The following FCGR3A variants were observed in gnomAD, a reference collection of about 807,000 sequenced individuals.
FCGR3A encodes the protein Fc gamma receptor IIIa.
FCGR3A carries 13 observed loss-of-function variants against 24.1 expected under a neutral mutation model. The observed-to-expected ratio is 0.54, with a 90% CI of 0.35 to 0.86. The LOEUF is 0.86. FCGR3A is among the 40% of genes least tolerant of loss of function. FCGR3A has a pLI of 0.01. For missense variants in FCGR3A, 235 were observed against 298.0 expected, an observed-to-expected ratio of 0.79 and a Z score of 1.56; for synonymous variants, 93 against 112.2, an observed-to-expected ratio of 0.83 and a Z score of 1.08.
At position 161,542,925 on chromosome 1, in the gene FCGR3A, G is replaced by A; in HGVS notation, c.*87C>T. On this transcript the variant is annotated 3_prime_UTR_variant, in exon 5 of 5. Coordinates refer to ENST00000443193, the MANE Select transcript of FCGR3A (RefSeq NM_000569.8). The stretch of plus-strand genomic sequence containing the variant: ...TTCTATGTTTCCTGCTGCTTGTAGA[G>A]AGGCCTGAGGATGATGGGGTTGCAA... 1.0e-6 allele frequency: 1 copy of A among 1,001,622 alleles called. No individual in the cohort carries two copies. Among genetic ancestry groups the A allele is most frequent in the Non-Finnish European group, 1.5e-6 (1 of 673,392 alleles). The allele number at this position is 1,001,622 out of a possible 1,614,324, so 62.0% of individuals were successfully genotyped here. A position where few individuals can be genotyped will look rare whatever the true frequency, so the allele number is the denominator to read the frequency against.
rs567017084 is a variant in FCGR3A, at chr1:161,542,785, A to C, written c.*227T>G. ...AGTGTTTGTGTAGCTCTGAAACTTC[A>C]ATTTCTAGGAATGCAGCTACTCACT... is the stretch of plus-strand genomic sequence containing the variant. On this transcript the variant is annotated 3_prime_UTR_variant, in exon 5 of 5. Transcript: ENST00000443193. The C allele has an allele frequency of 2.3e-6, 1 of 428,894 alleles. No homozygotes were observed. The highest frequency in any genetic ancestry group is 2.0e-5 in the African/African-American group (1 of 50,710). 26.6% of individuals were successfully genotyped at this position (428,894 alleles called of 1,614,324 possible).
At chr1:161,547,044 G>A (rs1314910557) in intron 3 of FCGR3A, among the ~76,000 whole-genome samples, 3 of 152,072 alleles carry the variant, frequency 2.0e-5, no homozygotes, top group Admixed American at 6.5e-5. Context: ...TAATTCTCAT[G>A]GTCACAGTTT....
rs1677178376 is a variant in FCGR3A at position 161,542,826 on chromosome 1, G to A, written c.*186C>T. 2.0e-6 allele frequency: 1 copy of A among 507,022 alleles called. No homozygotes were observed. 31.4% of individuals were successfully genotyped at this position (507,022 alleles called of 1,614,324 possible). A position where few individuals can be genotyped will look rare whatever the true frequency, so the allele number is the denominator to read the frequency against. On this transcript the variant is annotated 3_prime_UTR_variant, in exon 5 of 5. Transcript: ENST00000443193. The stretch of plus-strand genomic sequence containing the variant: ...GCTACTCACTGGGGCTTCCCTGCTT[G>A]AAGATCATGGGCTTTTCCCTTCCAC...
Position 161,544,911 on chromosome 1 carries a change from G to A in FCGR3A, c.367C>T (p.Pro123Ser), listed in dbSNP as rs765857580. Residue 123 changes from proline to serine, a missense_variant, in exon 4 of 5, where the codon CCT (proline) becomes TCT (serine). By Grantham distance (74) the Pro-to-Ser change is moderately conservative. Coordinates refer to ENST00000443193, the MANE Select transcript of FCGR3A (RefSeq NM_000569.8). ...CAGCTGTGACACCTCAGGTGAATAG[G>A]GTCTTCCTCCTTGAACACCCACCGA... is the stretch of plus-strand genomic sequence containing the variant. ...APRWVFKEED[P>S]IHLRCHSWKN... The A allele has an allele frequency of 1.6e-5, 26 of 1,612,976 alleles. 1 individual carries two copies. The highest frequency in any genetic ancestry group is 3.3e-5 in the South Asian group (3 of 91,000).
intron 1 of FCGR3A, 33 bp downstream of exon 1, chr1:161,549,664 A>T: frequency 1.2e-6 from 2 of 1,612,420 alleles, no homozygotes; most frequent in Non-Finnish European, 8.5e-7. Context: ...GGCATCTCAA[A>T]CTTCTCCCTC....
intron 4 of FCGR3A, 50 bp from the exon 5 acceptor site, chr1:161,543,249 A>C (rs547314149): frequency 6.3e-7 from 1 of 1,587,776 alleles, no homozygotes; most frequent in African/African-American, 1.4e-5. Flanking sequence ...ACTAAGGCAG[A>C]TATTTGGAAC....
At chr1:161,546,557 A>T (rs2102526636) in intron 3 of FCGR3A, among the ~76,000 whole-genome samples, 1 of 152,148 alleles carries the variant, frequency 6.6e-6, no homozygotes, top group African/African-American at 2.4e-5. Context: ...ACAGGCTAAG[A>T]ATAAAGGACT....
Position 161,544,999 on chromosome 1 carries a change from C to G in FCGR3A, c.320-41G>C, listed in dbSNP as rs767073495. ...ACCCCAGGCCCGGGAGGCCTCAGCT[C>G]TCAGTGCAGAGCTTTGTGAAGGGGC... On this transcript the variant is annotated intron_variant, in intron 3 of 4. Coordinates refer to ENST00000443193, the MANE Select transcript of FCGR3A (RefSeq NM_000569.8). 9 of 1,599,710 alleles carry G rather than the reference C, an allele frequency of 5.6e-6. No individual in the cohort carries two copies. In the African/African-American group the frequency reaches 1.1e-4, roughly 19 times the overall value.
At chr1:161,550,070 T>C (rs1247260778), upstream of FCGR3A, 12 of 591,984 alleles carry the variant, frequency 2.0e-5, no homozygotes, top group African/African-American at 5.6e-5. Flanking sequence ...GCTTGCCCCA[T>C]CTCCTGGATT....
At chr1:161,543,321 G>T in intron 4 of FCGR3A, 122 bp from the exon 5 acceptor site, 2 of 1,180,556 alleles carry the variant, frequency 1.7e-6, no homozygotes, top group East Asian at 2.4e-5. Flanking sequence ...GGTAGGAATG[G>T]TGGGGAAGTC....
chr1:161,543,037 C>T lies in FCGR3A; in HGVS notation c.740G>A (p.Trp247Ter). The T allele has an allele frequency of 1.9e-6, 3 of 1,612,496 alleles. No individual in the cohort carries two copies. Among genetic ancestry groups the T allele is most frequent in the Non-Finnish European group, 2.5e-6 (3 of 1,179,174 alleles). The change falls in exon 5 of 5, where the codon TGG (tryptophan) becomes TAG (stop). Residue 247 changes from tryptophan (W) to a stop codon, truncating the protein, a stop_gained. Coordinates refer to ENST00000443193, the MANE Select transcript of FCGR3A (RefSeq NM_000569.8). LOFTEE classifies it high-confidence loss of function. Reference protein sequence around the residue: ...TRDWKDHKFKWRKDPQDK With the variant: ...TRDWKDHKFK The stretch of plus-strand genomic sequence containing the variant: ...TCATTTGTCTTGAGGGTCCTTTCTC[C>T]ATTTAAATTTATGGTCCTTCCAGTC...
rs1677159615 is a variant in FCGR3A, at chr1:161,542,468, A to G, written c.*544T>C. On this transcript the variant is annotated 3_prime_UTR_variant, in exon 5 of 5. Coordinates refer to ENST00000443193, the MANE Select transcript of FCGR3A (RefSeq NM_000569.8). ...GCTAATGTTCTAGGAAGACACCCTT[A>G]TCTCTGGGCTCAGATGGGAACACCT... 6.6e-6 allele frequency: 1 copy of G among 152,172 alleles called. No homozygotes were observed. 9.4% of individuals were successfully genotyped at this position (152,172 alleles called of 1,614,324 possible).
rs1175647533 is a variant in FCGR3A, at chr1:161,548,464, G to T, written c.276C>A (p.Asn92Lys). ...DDSGEYRCQT[N>K]LSTLSDPVQL... is the part of the protein sequence containing the mutation. ...GCACCGGGTCACTGAGGGTGGAGAGGTTTGTCTGGCACCTGTACTCTCCAC... is the reference window on the plus strand; with the variant it reads ...GCACCGGGTCACTGAGGGTGGAGAGTTTTGTCTGGCACCTGTACTCTCCAC... Residue 92 changes from asparagine (N) to lysine (K), a missense_variant, in exon 3 of 5, where the codon AAC becomes AAA. By Grantham distance (94) the Asn-to-Lys change is moderately conservative. Transcript: ENST00000443193. 5 of 1,613,882 alleles carry T rather than the reference G, an allele frequency of 3.1e-6. No homozygotes were observed. The African/African-American group carries it at 5.3e-5, about 17-fold the overall frequency.
Position 161,542,653 on chromosome 1 carries a change from C to T in FCGR3A, c.*359G>A, listed in dbSNP as rs1338107968. The T allele has an allele frequency of 1.7e-5, 3 of 171,946 alleles. No individual in the cohort carries two copies. In the South Asian group the frequency reaches 4.9e-4, roughly 28 times the overall value. 10.7% of individuals were successfully genotyped at this position (171,946 alleles called of 1,614,324 possible). A position where few individuals can be genotyped will look rare whatever the true frequency, so the allele number is the denominator to read the frequency against. On this transcript the variant is annotated 3_prime_UTR_variant, in exon 5 of 5. Transcript: ENST00000443193. ...TTAGGAATAATTGTTTTTTTTTCCC[C>T]TCTAAACTGGGTAATTTATAACACG... is the stretch of plus-strand genomic sequence containing the variant.
Position 161,548,438 on chromosome 1 carries a change from T to C in FCGR3A, c.302A>G (p.Gln101Arg), listed in dbSNP as rs374159614. 3.7e-6 allele frequency: 6 copies of C among 1,613,918 alleles called. No homozygotes were observed. Among genetic ancestry groups the C allele is most frequent in the Non-Finnish European group, 5.1e-6 (6 of 1,179,876 alleles). Residue 101 changes from glutamine (Q) to arginine (R), a missense_variant, in exon 3 of 5, where the codon CAG (glutamine) becomes CGG (arginine). Transcript: ENST00000443193. ...TNLSTLSDPV[Q>R]LEVHIGWLLL... ...CAACTCACCGATATGGACTTCTAGC[T>C]GCACCGGGTCACTGAGGGTGGAGAG...
chr1:161,544,431 T>C (rs1220526203), intron 4 of FCGR3A, among the ~76,000 whole-genome samples: 1 of 151,720 alleles, frequency 6.6e-6, no homozygotes, highest in East Asian at 1.9e-4. Flanking sequence ...GAGGTATTTA[T>C]TGGGGAGGAG....
At chr1:161,548,810 T>C in intron 2 of FCGR3A, 132 bp from the exon 3 acceptor site, 1 of 1,495,190 alleles carries the variant, frequency 6.7e-7, no homozygotes, top group Non-Finnish European at 9.1e-7. Flanking sequence ...TAGAGCATCT[T>C]GGCCCCATTT....
intron 1 of FCGR3A, 123 bp from the exon 2 acceptor site, chr1:161,549,154 A>G (rs1677619470): frequency 7.5e-6 from 6 of 805,112 alleles, no homozygotes; most frequent in African/African-American, 1.7e-5. Flanking sequence ...CCCAAGAATC[A>G]GGATGTTTCT....
chr1:161,549,329 G>C (rs4656317), intron 1 of FCGR3A, among the ~76,000 whole-genome samples: 29,052 of 147,806 alleles, frequency 0.2, 2,965 homozygotes, highest in East Asian at 0.33. Context: ...GCTACAGAAA[G>C]AGCCTCAACC....
Sources: gnomAD v4.1 joint callset for allele counts (sites outside exome capture counted in the v4.1 genomes callset) on GRCh38, gnomAD v4.1.1 for gene constraint, MANE v1.5 for transcripts, NCBI Gene and HGNC (gene_info 2026-07-23, HGNC 2026-07-21) for gene names.